The following DEF6 variants were observed in gnomAD, a reference collection of about 807,000 sequenced individuals.
DEF6 encodes the protein DEF6 guanine nucleotide exchange factor, also known as differentially expressed in FDCP 6 homolog.
A neutral mutation model predicts 80.5 loss-of-function variants in DEF6; 32 were observed. The ratio of observed to expected loss-of-function variants is 0.40; its 90% confidence interval spans 0.30 to 0.53. The LOEUF (loss-of-function observed/expected upper bound fraction) is 0.53. Ranked by LOEUF, DEF6 falls within the 20% of genes least tolerant of loss-of-function variation. The pLI is 0.57. For synonymous variants in DEF6, 300 were observed against 337.9 expected, an observed-to-expected ratio of 0.89 and a Z score of 1.23; for missense variants, 575 against 818.7, an observed-to-expected ratio of 0.70 and a Z score of 3.63.
rs1166480746 is a variant in DEF6, at chr6:35,319,516, C to A, written c.1216-8C>A. 1 of 1,605,996 alleles carries A rather than the reference C, an allele frequency of 6.2e-7. No homozygotes were observed. The highest frequency in any genetic ancestry group is 8.5e-7 in the Non-Finnish European group (1 of 1,175,378). Reference sequence around the variant, plus strand: ...TGGCTCTTGGTCCACCACCTCCCCCCTCCACAGGCCCGGGCCTCCATGCAG... The same window carrying A: ...TGGCTCTTGGTCCACCACCTCCCCCATCCACAGGCCCGGGCCTCCATGCAG... On this transcript the variant is annotated splice_region_variant and splice_polypyrimidine_tract_variant and intron_variant, in intron 7 of 10. Coordinates refer to ENST00000316637, the MANE Select transcript of DEF6 (RefSeq NM_022047.4). The surrounding 1 kb of genome is among the most constrained non-coding windows in gnomAD (Gnocchi z 4.5).
intron 2 of DEF6, among the ~76,000 whole-genome samples, chr6:35,310,247 G>C (rs548540582): frequency 6.6e-6 from 1 of 152,156 alleles, no homozygotes; most frequent in Admixed American, 6.5e-5. Context: ...CTGTTGTCAG[G>C]GGGCCTGGGT....
rs145533987 is a variant in DEF6 at position 35,305,018 on chromosome 6, G to A, written c.97-4652G>A. Among the ~76,000 whole-genome samples the A allele has an allele frequency of 4.4e-4, 64 of 146,866 alleles. 2 individuals are homozygous for A. Among genetic ancestry groups the A allele is most frequent in the African/African-American group, 1.4e-3 (55 of 40,356 alleles). ...TGTAATCCCAACACTTTAGGAGGCC[G>A]AGGCAGGAGGATCTCTTGAGCCCAG... On this transcript the variant is annotated intron_variant, in intron 1 of 10. Transcript: ENST00000316637.
At chr6:35,298,009 C>A in intron 1 of DEF6, 57 bp downstream of exon 1, 2 of 1,435,094 alleles carry the variant, frequency 1.4e-6, no homozygotes, top group South Asian at 2.4e-5. Context: ...CAGCCCCTGC[C>A]GCCTGGGAGC....
In DEF6 at chr6:35,312,439, C is replaced by T. The variant is rs148839014; in HGVS notation, c.561C>T (p.Leu187=). ...TCAGCGTCTGGCAGTTCCTGGAGCTCTTCAATTCGGGCCGCTGCCTGCGGG... is the reference window on the plus strand; with the variant it reads ...TCAGCGTCTGGCAGTTCCTGGAGCTTTTCAATTCGGGCCGCTGCCTGCGGG... ...GGLSVWQFLE[L]FNSGRCLRGV... Residue 187 remains leucine (L), a synonymous_variant, in exon 4 of 11, where the codon CTC becomes CTT. Transcript: ENST00000316637. This position sits in a 1 kb window ranked among gnomAD's most constrained non-coding sequence, Gnocchi z 6.6. 3.4e-4 allele frequency: 554 copies of T among 1,614,182 alleles called. No homozygotes were observed. The highest frequency in any genetic ancestry group is 1.8e-3 in the African/African-American group (135 of 75,074).
intron 5 of DEF6, among the ~76,000 whole-genome samples, chr6:35,315,733 T>G (rs914081869): frequency 4.6e-5 from 7 of 152,126 alleles, no homozygotes; most frequent in African/African-American, 1.7e-4. Flanking sequence ...CTCAACTTCT[T>G]TTTCAGATTG....
At position 35,298,022 on chromosome 6, in the gene DEF6, G is replaced by A. The variant is rs1258855323; in HGVS notation, c.96+70G>A. The stretch of plus-strand genomic sequence containing the variant: ...ACCAGCCCCTGCCGCCTGGGAGCCA[G>A]GTGTGGACACTGTGCCACTCCAGGG... On this transcript the variant is annotated intron_variant, in intron 1 of 10. Coordinates refer to ENST00000316637, the MANE Select transcript of DEF6 (RefSeq NM_022047.4). The A allele has an allele frequency of 3.7e-6, 5 of 1,359,864 alleles. No homozygotes were observed. The South Asian group carries it at 5.0e-5, about 14-fold the overall frequency. 84.2% of individuals were successfully genotyped at this position (1,359,864 alleles called of 1,614,324 possible).
rs1006493384 is a variant in DEF6, at chr6:35,319,728, C to G, written c.1382+38C>G. The G allele has an allele frequency of 5.6e-6, 9 of 1,607,558 alleles. No homozygotes were observed. The Admixed American group carries it at 1.3e-4, about 24-fold the overall frequency. On this transcript the variant is annotated intron_variant, in intron 8 of 10. Coordinates refer to ENST00000316637, the MANE Select transcript of DEF6 (RefSeq NM_022047.4). The surrounding 1 kb of genome is among the most constrained non-coding windows in gnomAD (Gnocchi z 4.5). ...AACCTCTTCTGGTTCTCTCACCACC[C>G]CTCCTGGAACACACCCCAGTTTTCC...
intron 1 of DEF6, among the ~76,000 whole-genome samples, chr6:35,302,240 T>C (rs1217461483): frequency 1.3e-5 from 2 of 152,140 alleles, no homozygotes; most frequent in African/African-American, 4.8e-5. Context: ...CTGCCTATAG[T>C]TCCTGCTACT....
intron 3 of DEF6, 138 bp downstream of exon 3, chr6:35,310,782 C>A: frequency 4.3e-6 from 4 of 927,338 alleles, no homozygotes; most frequent in Non-Finnish European, 6.5e-6. Flanking sequence ...GGTATCTGTC[C>A]TCACCCAGCT....
chr6:35,318,561 G>T lies in DEF6; in HGVS notation c.1215+90G>T, dbSNP rs967529882. On this transcript the variant is annotated intron_variant, in intron 7 of 10. Transcript: ENST00000316637. This position sits in a 1 kb window ranked among gnomAD's most constrained non-coding sequence, Gnocchi z 5.1. ...GCCGGGGGCGGGGCCTGGGCAGAGG[G>T]CGGAGCTCCTGGGTTGAGGGGCGTG... 1.6e-6 allele frequency: 2 copies of T among 1,267,356 alleles called. No homozygotes were observed. The allele number at this position is 1,267,356 out of a possible 1,614,324, so 78.5% of individuals were successfully genotyped here.
intron 5 of DEF6, among the ~76,000 whole-genome samples, chr6:35,314,959 T>C (rs925466467): frequency 1.3e-5 from 2 of 152,192 alleles, no homozygotes; most frequent in Non-Finnish European, 2.9e-5. Flanking sequence ...TGGTGAGAGA[T>C]AGGGGTCTAG....
rs377090399 is a variant in DEF6 at position 35,314,724 on chromosome 6, T to A, written c.807+1952T>A. The stretch of plus-strand genomic sequence containing the variant: ...TTCTCCTATTCTGTGGGTTGTCTCT[T>A]CACTTTGTTGATTGTTTCCATGGCT... On this transcript the variant is annotated intron_variant, in intron 5 of 10. Coordinates refer to ENST00000316637, the MANE Select transcript of DEF6 (RefSeq NM_022047.4). Among the ~76,000 whole-genome samples, 37 of 152,340 alleles carry A rather than the reference T, an allele frequency of 2.4e-4. No homozygotes were observed. In the East Asian group the frequency reaches 5.2e-3, roughly 21 times the overall value.
At position 35,321,196 on chromosome 6, in the gene DEF6, C is replaced by G; in HGVS notation, c.1682C>G (p.Pro561Arg). The G allele has an allele frequency of 6.2e-7, 1 of 1,612,224 alleles. No individual in the cohort carries two copies. The highest frequency in any genetic ancestry group is 1.1e-5 in the South Asian group (1 of 91,002). ...MHPIEPGDKR[P>R]VTSSSFSGFQ... ...GCCTTCTCTCTGCCAGATAAGCGTCCGGTCACCAGCAGCTCCTTCTCAGGC... is the reference window on the plus strand; with the variant it reads ...GCCTTCTCTCTGCCAGATAAGCGTCGGGTCACCAGCAGCTCCTTCTCAGGC... Residue 561 changes from proline (P) to arginine (R), a missense_variant, in exon 11 of 11, where the codon CCG (proline) becomes CGG (arginine). Coordinates refer to ENST00000316637, the MANE Select transcript of DEF6 (RefSeq NM_022047.4).
intron 1 of DEF6, among the ~76,000 whole-genome samples, chr6:35,303,125 G>A (rs978037924): frequency 2.6e-5 from 4 of 152,102 alleles, no homozygotes; most frequent in African/African-American, 9.7e-5. Context: ...TCTCTGGAGA[G>A]AGGCCCTGAG....
Position 35,321,656 on chromosome 6 carries a change from A to C in DEF6, c.*246A>C, listed in dbSNP as rs1322954317. The C allele has an allele frequency of 2.5e-6, 1 of 394,272 alleles. No individual in the cohort carries two copies. Among genetic ancestry groups the C allele is most frequent in the African/African-American group, 2.0e-5 (1 of 49,138 alleles). The allele number at this position is 394,272 out of a possible 1,614,324, so 24.4% of individuals were successfully genotyped here. On this transcript the variant is annotated 3_prime_UTR_variant, in exon 11 of 11. Transcript: ENST00000316637. ...GAACTTGGCCCTGTGCTTTAGACCC[A>C]AGGACCCGATTCTTGGGCTAGGAAA...
rs117680757 is a variant in DEF6, at chr6:35,304,340, G to T, written c.97-5330G>T. Among the ~76,000 whole-genome samples, 87 of 152,230 alleles carry T rather than the reference G, an allele frequency of 5.7e-4. 1 individual carries two copies. In the East Asian group the frequency reaches 0.013, roughly 23 times the overall value. On this transcript the variant is annotated intron_variant, in intron 1 of 10. Coordinates refer to ENST00000316637, the MANE Select transcript of DEF6 (RefSeq NM_022047.4). ...AGTCTCAAAAGATAAGGTGATCAGAGGATATTCCACCTGGTCAGGGAATAT... is the reference window on the plus strand; with the variant it reads ...AGTCTCAAAAGATAAGGTGATCAGATGATATTCCACCTGGTCAGGGAATAT...
At chr6:35,299,345 G>A (rs144416518) in intron 1 of DEF6, among the ~76,000 whole-genome samples, 68 of 152,048 alleles carry the variant, frequency 4.5e-4, no homozygotes, top group African/African-American at 1.5e-3. Flanking sequence ...CTCCCACCCT[G>A]TCCCTTTAAT....
At chr6:35,321,077 G>A (rs1791584772) in intron 10 of DEF6, 103 bp downstream of exon 10, 1 of 1,549,128 alleles carries the variant, frequency 6.5e-7, no homozygotes, top group Non-Finnish European at 8.9e-7. Flanking sequence ...GCCAGCAAAA[G>A]CAGGACTGGC....
chr6:35,307,123 C>T (rs553782554), intron 1 of DEF6, among the ~76,000 whole-genome samples: 10 of 152,212 alleles, frequency 6.6e-5, no homozygotes, highest in Non-Finnish European at 1.3e-4. Flanking sequence ...GGTGGCCGGG[C>T]GCAGTGGCTC....
Sources: allele counts gnomAD v4.1 joint callset (sites outside exome capture counted in the v4.1 genomes callset), GRCh38; gene constraint gnomAD v4.1.1; non-coding constraint Gnocchi (gnomAD v3.1); transcripts MANE v1.5; gene names NCBI Gene and HGNC (gene_info 2026-07-23, HGNC 2026-07-21).